The following SCRN3 variants were observed in gnomAD, a reference collection of about 807,000 sequenced individuals.
SCRN3 encodes the protein secernin-3.
Under a neutral mutation model 43.1 loss-of-function variants are expected in SCRN3, and 39 were observed. That is an observed-to-expected ratio of 0.91 (90% CI 0.70 to 1.18). SCRN3 has a LOEUF of 1.18. Ranked by LOEUF, SCRN3 falls within the 50% of genes most tolerant of loss-of-function variation. The pLI is 0.00. For missense variants in SCRN3, 484 were observed against 498.0 expected (o/e 0.97, Z 0.27); for synonymous variants, 147 against 163.1 (o/e 0.90, Z 0.75).
chr2:174,427,091 A>G (rs1391826115), intron 7 of SCRN3, among the ~76,000 whole-genome samples: 1 of 152,084 alleles, frequency 6.6e-6, no homozygotes, highest in Non-Finnish European at 1.5e-5. Context: ...TGGCCTCCCA[A>G]AGTGCTGGGG....
chr2:174,410,911 A>C (rs1160348452), intron 5 of SCRN3, among the ~76,000 whole-genome samples: 1 of 152,220 alleles, frequency 6.6e-6, no homozygotes, highest in Non-Finnish European at 1.5e-5. Context: ...AATCCTCCTC[A>C]TCTCTGTGTC....
At chr2:174,396,283 G>T (rs977202919) in intron 1 of SCRN3, 111 of 989,510 alleles carry the variant, frequency 1.1e-4, no homozygotes, top group Non-Finnish European at 1.2e-4. Flanking sequence ...ACGAATACGC[G>T]TTAGGAGTTG....
intron 5 of SCRN3, among the ~76,000 whole-genome samples, chr2:174,406,839 T>C (rs1280992903): frequency 7.4e-6 from 1 of 134,320 alleles, no homozygotes; most frequent in Admixed American, 7.6e-5. Flanking sequence ...AGCTTTTTGA[T>C]GTGCTGCTGG....
At chr2:174,396,056 T>A (rs1293014838) in intron 1 of SCRN3, 5 of 1,254,186 alleles carry the variant, frequency 4.0e-6, no homozygotes, top group Admixed American at 3.8e-5. Context: ...TTTTCTGCAC[T>A]GTTTTTCTCA....
At chr2:174,397,068 C>G in intron 1 of SCRN3, 2 of 982,640 alleles carry the variant, frequency 2.0e-6, no homozygotes, top group Non-Finnish European at 2.4e-6. Flanking sequence ...GAAGGAGATC[C>G]AGGACATAAG....
chr2:174,399,992 G>C lies in SCRN3; in HGVS notation c.230G>C (p.Trp77Ser), dbSNP rs932611381. The C allele has an allele frequency of 1.9e-6, 3 of 1,596,602 alleles. No homozygotes were observed. The highest frequency in any genetic ancestry group is 2.6e-6 in the Non-Finnish European group (3 of 1,173,344). Residue 77 changes from tryptophan (W) to serine (S), a missense_variant, in exon 3 of 8, where the codon TGG becomes TCG. Coordinates refer to ENST00000272732, the MANE Select transcript of SCRN3 (RefSeq NM_024583.5). ...GTCCTGAGTCGCCCAGCGTGGTTGT[G>C]GGGGGCAGAAATGGGAGCCAATGAG... ...AVVLSRPAWL[W>S]GAEMGANEHG...
chr2:174,424,799 A>AT, intron 7 of SCRN3, 150 bp downstream of exon 7: 1 of 559,240 alleles, frequency 1.8e-6, no homozygotes, highest in South Asian at 3.3e-5. Context: ...GAGCTGTATT[A>AT]TTTTTATCTT....
chr2:174,419,534 C>T (rs1057029144), intron 5 of SCRN3, among the ~76,000 whole-genome samples: 3 of 152,100 alleles, frequency 2.0e-5, no homozygotes, highest in Non-Finnish European at 2.9e-5. Context: ...CATGCATTAC[C>T]ACACCTGGCT....
At chr2:174,407,223 CT>C (rs1376187230) in intron 5 of SCRN3, among the ~76,000 whole-genome samples, 1 of 48,194 alleles carries the variant, frequency 2.1e-5, no homozygotes, top group African/African-American at 7.9e-5. Context: ...TCCATTTCTT[CT>C]AGATTTTCTA....
chr2:174,424,491 T>C lies in SCRN3; in HGVS notation c.934T>C (p.Phe312Leu), dbSNP rs752634450. The C allele has an allele frequency of 2.0e-5, 32 of 1,605,624 alleles. No individual in the cohort carries two copies. The highest frequency in any genetic ancestry group is 1.4e-5 in the Non-Finnish European group (17 of 1,175,006). ...TTTTTCTAGATCTGTTTTTAAGCCT[T>C]TCATATTTGTGCCACATATTTCACA... ...PDPERSVFKP[F>L]IFVPHISQLL... Residue 312 changes from phenylalanine (F) to leucine (L), a missense_variant, in exon 7 of 8, where the codon TTC (phenylalanine) becomes CTC (leucine). Physicochemically the swap from Phe to Leu is conservative, Grantham distance 22 (BLOSUM62 0). Coordinates refer to ENST00000272732, the MANE Select transcript of SCRN3 (RefSeq NM_024583.5).
chr2:174,414,079 A>G (rs988744338), intron 5 of SCRN3, among the ~76,000 whole-genome samples: 1 of 152,170 alleles, frequency 6.6e-6, no homozygotes, highest in Non-Finnish European at 1.5e-5. Context: ...TTCCTCCAGA[A>G]TGTTACTTCA....
chr2:174,414,027 T>C (rs1273509180), intron 5 of SCRN3, among the ~76,000 whole-genome samples: 2 of 152,170 alleles, frequency 1.3e-5, no homozygotes, highest in African/African-American at 2.4e-5. Context: ...ATAACAAAAA[T>C]AAACTTACCC....
At chr2:174,419,648 C>T (rs1219273695) in intron 5 of SCRN3, among the ~76,000 whole-genome samples, 1 of 152,148 alleles carries the variant, frequency 6.6e-6, no homozygotes, top group East Asian at 1.9e-4. Flanking sequence ...CTCAGACTCC[C>T]AAACTGGTGG....
rs932484542 is a variant in SCRN3, at chr2:174,395,933, G to C, written c.-10+116G>C. The C allele has an allele frequency of 3.5e-6, 5 of 1,413,300 alleles. No homozygotes were observed. The African/African-American group carries it at 5.8e-5, about 16-fold the overall frequency. 87.5% of individuals were successfully genotyped at this position (1,413,300 alleles called of 1,614,324 possible). ...TCCGGAGCCCAGCTGCACCGGCTGC[G>C]GTTTGAGCGCCCAGGGCCGGGGTGC... On this transcript the variant is annotated intron_variant, in intron 1 of 7. Transcript: ENST00000272732.
At position 174,417,224 on chromosome 2, in the gene SCRN3, GCA is replaced by G. The variant is rs1486367036; in HGVS notation, c.755-5657_755-5656del. 5.9e-5 allele frequency among the ~76,000 whole-genome samples: 9 copies of G among 151,914 alleles called. No individual in the cohort carries two copies. The East Asian group carries it at 1.4e-3, about 23-fold the overall frequency. ...TTGATAGGTGCAGCAAACCACCATGGCACACGTTTACCCATGTAACAAACCTG... is the reference window on the plus strand; with the variant it reads ...TTGATAGGTGCAGCAAACCACCATGGCACGTTTACCCATGTAACAAACCTG... On this transcript the variant is annotated intron_variant, in intron 5 of 7. Transcript: ENST00000272732.
At position 174,421,997 on chromosome 2, in the gene SCRN3, A is replaced by G. The variant is rs760824097; in HGVS notation, c.755-888A>G. Among the ~76,000 whole-genome samples, 21 of 152,192 alleles carry G rather than the reference A, an allele frequency of 1.4e-4. 1 individual carries two copies. Among genetic ancestry groups the G allele is most frequent in the Non-Finnish European group, 2.5e-4 (17 of 68,036 alleles). On this transcript the variant is annotated intron_variant, in intron 5 of 7. Coordinates refer to ENST00000272732, the MANE Select transcript of SCRN3 (RefSeq NM_024583.5). ...GCTGATGGGAGAACTGGAGTAATAAATAATTGATAAAAAGAAGACAAGAAT... is the reference window on the plus strand; with the variant it reads ...GCTGATGGGAGAACTGGAGTAATAAGTAATTGATAAAAAGAAGACAAGAAT...
At chr2:174,406,139 A>G (rs1685686074) in intron 5 of SCRN3, among the ~76,000 whole-genome samples, 1 of 137,358 alleles carries the variant, frequency 7.3e-6, no homozygotes, top group Admixed American at 7.3e-5. Context: ...TTCTTTGAGC[A>G]GTGGTTTGTA....
chr2:174,398,128 C>A, intron 1 of SCRN3, 147 bp from the exon 2 acceptor site: 1 of 495,802 alleles, frequency 2.0e-6, no homozygotes, highest in Non-Finnish European at 3.3e-6. Flanking sequence ...ACCTTGTCTC[C>A]AAAAAATAAA....
In SCRN3 at chr2:174,398,306, C is replaced by CT. The variant is rs909196439; in HGVS notation, c.26dup (p.Val10ArgfsTer10). 2.5e-6 allele frequency: 4 copies of CT among 1,578,520 alleles called. No homozygotes were observed. The African/African-American group carries it at 5.5e-5, about 22-fold the overall frequency. ...AAAATGGAACCTTTTTCCTGTGACA[C>CT]TTTCGTGGCATTACCTCCAGCAACA... is the stretch of plus-strand genomic sequence containing the variant. On this transcript the variant is annotated frameshift_variant, in exon 2 of 8. Coordinates refer to ENST00000272732, the MANE Select transcript of SCRN3 (RefSeq NM_024583.5). LOFTEE classifies it high-confidence loss of function.
Sources: gnomAD v4.1 joint callset for allele counts (sites outside exome capture counted in the v4.1 genomes callset) on GRCh38, gnomAD v4.1.1 for gene constraint, MANE v1.5 for transcripts, NCBI Gene and HGNC (gene_info 2026-07-23, HGNC 2026-07-21) for gene names.